The following UFL1 variants were observed in gnomAD, a reference collection of about 807,000 sequenced individuals.
UFL1 encodes E3 UFM1-protein ligase 1.
A neutral mutation model predicts 99.3 loss-of-function variants in UFL1; 78 were observed. That is an observed-to-expected ratio of 0.79 (90% CI 0.65 to 0.95). The LOEUF (loss-of-function observed/expected upper bound fraction) is 0.95. Ranked by LOEUF, UFL1 falls within the 40% of genes least tolerant of loss-of-function variation. UFL1 has a pLI of 0.00. For synonymous variants in UFL1, 335 were observed against 322.2 expected, an observed-to-expected ratio of 1.04 and a Z score of -0.42; for missense variants, 936 against 937.0, an observed-to-expected ratio of 1.00 and a Z score of 0.01.
At chr6:96,528,388 CTCAA>C in intron 5 of UFL1, 110 bp from the exon 6 acceptor site, 2 of 1,274,958 alleles carry the variant, frequency 1.6e-6, no homozygotes, top group East Asian at 2.5e-5. Context: ...GTTGAAACTT[CTCAA>C]TCACATGACT....
chr6:96,524,124 A>C (rs1197618372), intron 2 of UFL1, among the ~76,000 whole-genome samples: 1 of 152,000 alleles, frequency 6.6e-6, no homozygotes, highest in African/African-American at 2.4e-5. Flanking sequence ...AGATAGAGCC[A>C]ATTTGTGTGC....
At chr6:96,540,334 A>G (rs1769913354) in intron 10 of UFL1, among the ~76,000 whole-genome samples, 1 of 151,474 alleles carries the variant, frequency 6.6e-6, no homozygotes, top group Non-Finnish European at 1.5e-5. Context: ...TAATGGGTAC[A>G]AAAAAGGTCA....
At chr6:96,552,106 G>C (rs1464658957) in intron 17 of UFL1, among the ~76,000 whole-genome samples, 183 bp downstream of exon 17, 1 of 151,886 alleles carries the variant, frequency 6.6e-6, no homozygotes, top group Non-Finnish European at 1.5e-5. Context: ...ATTTCTCTCT[G>C]ACCCTCTGGA....
intron 13 of UFL1, 37 bp from the exon 14 acceptor site, chr6:96,549,375 C>T: frequency 6.6e-7 from 1 of 1,518,786 alleles, no homozygotes; most frequent in Admixed American, 2.3e-5. Flanking sequence ...ATACTCAGTA[C>T]ATTTTAATAA....
chr6:96,523,708 T>C (rs1357069469), intron 2 of UFL1, among the ~76,000 whole-genome samples: 1 of 152,214 alleles, frequency 6.6e-6, no homozygotes, highest in East Asian at 1.9e-4. Flanking sequence ...TACTTACAAA[T>C]TAGGTAACTC....
intron 11 of UFL1, among the ~76,000 whole-genome samples, chr6:96,541,608 TTAA>T (rs1275814054): frequency 6.7e-6 from 1 of 148,270 alleles, no homozygotes; most frequent in Non-Finnish European, 1.5e-5. Flanking sequence ...TCCAGGAAAA[TTAA>T]TAAATTACTT....
Position 96,555,095 on chromosome 6 carries a change from G to A in UFL1, c.*1592G>A, listed in dbSNP as rs2127954455. On this transcript the variant is annotated 3_prime_UTR_variant, in exon 19 of 19. Transcript: ENST00000369278. ...TTGTTTGCATTAATTTTTTTCATTT[G>A]TCAAAATGCTTCTTTTGTTGCCACA... The A allele has an allele frequency of 6.6e-6, 1 of 152,492 alleles. No homozygotes were observed. Among genetic ancestry groups the A allele is most frequent in the East Asian group, 1.9e-4 (1 of 5,184 alleles). The allele number at this position is 152,492 out of a possible 1,614,324, so 9.4% of individuals were successfully genotyped here. A position where few individuals can be genotyped will look rare whatever the true frequency, so the allele number is the denominator to read the frequency against.
At chr6:96,525,526 A>G in intron 4 of UFL1, 132 bp downstream of exon 4, 1 of 717,670 alleles carries the variant, frequency 1.4e-6, no homozygotes, top group Non-Finnish European at 2.4e-6. Flanking sequence ...GATTTTCATG[A>G]TAAGGTTTAT....
At chr6:96,553,238 A>G (rs1426926283) in intron 18 of UFL1, 47 bp from the exon 19 acceptor site, 5 of 1,553,832 alleles carry the variant, frequency 3.2e-6, no homozygotes, top group Non-Finnish European at 4.4e-6. Flanking sequence ...TATCTGTTCC[A>G]CAAAAAGATA....
In UFL1 at chr6:96,528,303, G is replaced by T. The variant is rs368049700; in HGVS notation, c.466-199G>T. Among the ~76,000 whole-genome samples, 42 of 152,190 alleles carry T rather than the reference G, an allele frequency of 2.8e-4. 1 individual carries two copies. The highest frequency in any genetic ancestry group is 6.8e-3 in the Middle Eastern group (2 of 294). The stretch of plus-strand genomic sequence containing the variant: ...AGCAAGCAATTTGACTCATTTCTTG[G>T]CTCTGCCATGAGATAGTGAACTTTG... On this transcript the variant is annotated intron_variant, in intron 5 of 18. Transcript: ENST00000369278.
At chr6:96,529,691 C>G (rs555544585) in intron 6 of UFL1, among the ~76,000 whole-genome samples, 2 of 152,274 alleles carry the variant, frequency 1.3e-5, no homozygotes, top group South Asian at 4.1e-4. Flanking sequence ...ATCTTTTCTT[C>G]CCAGTTCTGT....
In UFL1 at chr6:96,542,966, A is replaced by C; in HGVS notation, c.1352A>C (p.Lys451Thr). 1 of 1,600,702 alleles carries C rather than the reference A, an allele frequency of 6.2e-7. No homozygotes were observed. The highest frequency in any genetic ancestry group is 8.5e-7 in the Non-Finnish European group (1 of 1,172,846). The change falls in exon 12 of 19, where the codon AAA (lysine) becomes ACA (threonine). Residue 451 changes from lysine to threonine, a missense_variant. Physicochemically the swap from Lys to Thr is moderately conservative, Grantham distance 78. Transcript: ENST00000369278. ...REYKIKKVKK[K>T]GRKDDDSDDE... ...TACAAAATTAAAAAAGTCAAGAAGA[A>C]AGGAAGAAAAGATGATGATAGTGAT...
At position 96,551,840 on chromosome 6, in the gene UFL1, CA is replaced by C; in HGVS notation, c.1903del (p.Ile635Ter). Reference sequence around the variant, plus strand: ...TATGGTATTCAATGCCTTTTCAGAGCATAGAAGACTTTATTTCTTGTCTGGA... The same window carrying C: ...TATGGTATTCAATGCCTTTTCAGAGCTAGAAGACTTTATTTCTTGTCTGGA... The part of the protein sequence containing the change: ...KLHNSLNEKS[I>X]EDFISCLDSA... On this transcript the variant is annotated frameshift_variant, in exon 17 of 19. Transcript: ENST00000369278. LOFTEE classifies it high-confidence loss of function. 6.3e-7 allele frequency: 1 copy of C among 1,597,162 alleles called. No individual in the cohort carries two copies. Among genetic ancestry groups the C allele is most frequent in the Non-Finnish European group, 8.6e-7 (1 of 1,169,486 alleles).
At chr6:96,525,143 T>A (rs1441522318) in intron 3 of UFL1, among the ~76,000 whole-genome samples, 154 bp from the exon 4 acceptor site, 1 of 151,606 alleles carries the variant, frequency 6.6e-6, no homozygotes, top group Non-Finnish European at 1.5e-5. Flanking sequence ...ACTGAAGGGA[T>A]CCTCCCGCCT....
chr6:96,548,107 T>G, intron 12 of UFL1, 57 bp from the exon 13 acceptor site: 1 of 1,164,724 alleles, frequency 8.6e-7, no homozygotes, highest in Non-Finnish European at 1.2e-6. Context: ...CTATTTGCCA[T>G]TTGGTTGCAT....
At position 96,528,541 on chromosome 6, in the gene UFL1, A is replaced by G. The variant is rs1451903486; in HGVS notation, c.505A>G (p.Ile169Val). 4 of 1,613,754 alleles carry G rather than the reference A, an allele frequency of 2.5e-6. No homozygotes were observed. ...QRLGRIISGHIDLDNRGVIFT... is the reference protein window; with the variant it reads ...QRLGRIISGHVDLDNRGVIFT... ...ACTTGGTAGAATTATCAGTGGACAT[A>G]TTGATCTTGATAATAGAGGAGTAAT... is the stretch of plus-strand genomic sequence containing the variant. The change falls in exon 6 of 19, where the codon ATT (isoleucine) becomes GTT (valine). Residue 169 changes from isoleucine to valine, a missense_variant. Transcript: ENST00000369278.
intron 17 of UFL1, among the ~76,000 whole-genome samples, chr6:96,552,219 T>C (rs1392789553): frequency 6.6e-6 from 1 of 152,058 alleles, no homozygotes; most frequent in African/African-American, 2.4e-5. Context: ...CAGTGCAAAT[T>C]TGTTTGACCT....
rs566742646 is a variant in UFL1 at position 96,546,554 on chromosome 6, G to C, written c.1403-1610G>C. On this transcript the variant is annotated intron_variant, in intron 12 of 18. Coordinates refer to ENST00000369278, the MANE Select transcript of UFL1 (RefSeq NM_015323.5). The stretch of plus-strand genomic sequence containing the variant: ...ATGGAACCAAAAGAGAGCCTGAATA[G>C]CCAAAGTATCCTAAGCAAAAAGAAC... 4.0e-5 allele frequency among the ~76,000 whole-genome samples: 6 copies of C among 151,540 alleles called. No homozygotes were observed. The South Asian group carries it at 1.0e-3, about 26-fold the overall frequency.
chr6:96,553,187 A>T (rs1302669559), intron 18 of UFL1, 98 bp from the exon 19 acceptor site: 1 of 1,147,482 alleles, frequency 8.7e-7, no homozygotes, highest in East Asian at 2.5e-5. Flanking sequence ...TTTTGTAAAG[A>T]TGAGGACCTT....
Sources: allele counts gnomAD v4.1 joint callset (sites outside exome capture counted in the v4.1 genomes callset), GRCh38; gene constraint gnomAD v4.1.1; transcripts MANE v1.5; gene names NCBI Gene and HGNC (gene_info 2026-07-23, HGNC 2026-07-21).